Variants in ALKBH8 observed in about 807,000 individuals in gnomAD.
ALKBH8 encodes the protein tRNA (carboxymethyluridine(34)-5-O)-methyltransferase ALKBH8.
ALKBH8 carries 36 observed loss-of-function variants against 59.8 expected under a neutral mutation model. That is an observed-to-expected ratio of 0.60 (90% CI 0.46 to 0.79). The LOEUF (loss-of-function observed/expected upper bound fraction) is 0.79, where lower values mean the gene tolerates loss of function less well. Ranked by LOEUF, ALKBH8 falls within the 30% of genes least tolerant of loss-of-function variation. ALKBH8 has a pLI of 0.00. For synonymous variants in ALKBH8, 276 were observed against 273.6 expected, an observed-to-expected ratio of 1.01 and a Z score of -0.09; for missense variants, 768 against 801.0, an observed-to-expected ratio of 0.96 and a Z score of 0.50.
rs115503479 is a variant in ALKBH8 at position 107,515,307 on chromosome 11, T to C, written c.1288-4271A>G. Reference sequence around the variant, plus strand: ...GGACTTGCGTAAAGCTACATATTTCTGTGTGCTGGGTGAAGATCAATGACA... The same window carrying C: ...GGACTTGCGTAAAGCTACATATTTCCGTGTGCTGGGTGAAGATCAATGACA... On this transcript the variant is annotated intron_variant, in intron 10 of 11. Coordinates refer to ENST00000428149, the MANE Select transcript of ALKBH8 (RefSeq NM_138775.3). Among the ~76,000 whole-genome samples the C allele has an allele frequency of 1.6e-3, 243 of 152,326 alleles. 1 individual carries two copies. Among genetic ancestry groups the C allele is most frequent in the African/African-American group, 5.6e-3 (233 of 41,572 alleles).
At chr11:107,522,677 C>T in intron 9 of ALKBH8, 122 bp from the exon 10 acceptor site, 4 of 1,189,280 alleles carry the variant, frequency 3.4e-6, no homozygotes, top group Non-Finnish European at 3.4e-6. Context: ...TCTGATTTAT[C>T]CGTTAAAAGA....
At chr11:107,547,174 A>G (rs899684354) in intron 7 of ALKBH8, among the ~76,000 whole-genome samples, 5 of 152,252 alleles carry the variant, frequency 3.3e-5, no homozygotes, top group African/African-American at 9.6e-5. Flanking sequence ...TAGGCATTAC[A>G]GGAAAGTTCT....
At chr11:107,521,860 C>T (rs1863125098) in intron 10 of ALKBH8, among the ~76,000 whole-genome samples, 1 of 152,016 alleles carries the variant, frequency 6.6e-6, no homozygotes, top group South Asian at 2.1e-4. Context: ...GATATAGGTT[C>T]AAGTTCCAGT....
chr11:107,546,086 A>T (rs892830174), intron 7 of ALKBH8, among the ~76,000 whole-genome samples: 3 of 152,228 alleles, frequency 2.0e-5, no homozygotes, highest in Non-Finnish European at 4.4e-5. Context: ...ACATAGTTGT[A>T]ATATAACCTA....
chr11:107,512,309 T>C (rs199806420), intron 10 of ALKBH8, among the ~76,000 whole-genome samples: 3 of 138,776 alleles, frequency 2.2e-5, no homozygotes, highest in Non-Finnish European at 4.9e-5. Context: ...AAGGGTTTTT[T>C]TTTGTTTGTT....
At chr11:107,532,278 C>A in intron 8 of ALKBH8, 22 bp downstream of exon 8, 1 of 1,586,904 alleles carries the variant, frequency 6.3e-7, no homozygotes, top group Non-Finnish European at 8.6e-7. Context: ...GAAAAAGAAT[C>A]CTGTCATATT....
At chr11:107,534,278 C>T (rs1339532758) in intron 7 of ALKBH8, among the ~76,000 whole-genome samples, 3 of 152,068 alleles carry the variant, frequency 2.0e-5, no homozygotes, top group African/African-American at 7.2e-5. Context: ...GAATAATGAG[C>T]ATATTTATTA....
At chr11:107,505,870 G>A (rs1018973344) in intron 11 of ALKBH8, among the ~76,000 whole-genome samples, 1 of 152,184 alleles carries the variant, frequency 6.6e-6, no homozygotes, top group Admixed American at 6.5e-5. Context: ...TGAACAGATA[G>A]GGCTCAGAGT....
In ALKBH8 at chr11:107,545,583, T is replaced by C. The variant is rs376585491; in HGVS notation, c.771+4170A>G. On this transcript the variant is annotated intron_variant, in intron 7 of 11. Coordinates refer to ENST00000428149, the MANE Select transcript of ALKBH8 (RefSeq NM_138775.3). ...GGTCTTTACTACCCAACTATCCAAT[T>C]ATCCCCACCCACTGAGTTGCAAAAG... Among the ~76,000 whole-genome samples, 6 of 152,258 alleles carry C rather than the reference T, an allele frequency of 3.9e-5. No homozygotes were observed. The East Asian group carries it at 7.7e-4, about 20-fold the overall frequency.
chr11:107,553,066 T>C, intron 5 of ALKBH8, 42 bp downstream of exon 5: 1 of 1,252,610 alleles, frequency 8.0e-7, no homozygotes, highest in Non-Finnish European at 1.1e-6. Flanking sequence ...AATATATTAA[T>C]ATTTTTGAGC....
chr11:107,539,370 T>C lies in ALKBH8; in HGVS notation c.772-6964A>G, dbSNP rs113135487. On this transcript the variant is annotated intron_variant, in intron 7 of 11. Transcript: ENST00000428149. Reference sequence around the variant, plus strand: ...ATCCCAGCACTTTGGGAGGCCAAGGTGGGCAGATTACTTGAGGTCAGGAGT... The same window carrying C: ...ATCCCAGCACTTTGGGAGGCCAAGGCGGGCAGATTACTTGAGGTCAGGAGT... Among the ~76,000 whole-genome samples, 783 of 152,130 alleles carry C rather than the reference T, an allele frequency of 5.1e-3. 4 individuals carry two copies. Among genetic ancestry groups the C allele is most frequent in the African/African-American group, 0.018 (741 of 41,514 alleles).
chr11:107,551,314 T>C (rs73553687), intron 6 of ALKBH8, among the ~76,000 whole-genome samples: 2,097 of 152,322 alleles, frequency 0.014, 40 homozygotes, highest in African/African-American at 0.047. Context: ...CTCAAGGGAT[T>C]AAAGTGTAGA....
intron 3 of ALKBH8, among the ~76,000 whole-genome samples, chr11:107,555,970 A>G (rs1193462346): frequency 6.6e-6 from 1 of 152,180 alleles, no homozygotes. Flanking sequence ...GTTCTACTGG[A>G]CAGCACCACC....
chr11:107,526,044 C>A (rs12294164), intron 8 of ALKBH8, among the ~76,000 whole-genome samples: 1,585 of 152,024 alleles, frequency 0.01, 24 homozygotes, highest in African/African-American at 0.034. Context: ...GGGACTATTA[C>A]AAATAAAGCT....
intron 8 of ALKBH8, among the ~76,000 whole-genome samples, chr11:107,530,485 C>T (rs532972483): frequency 1.3e-5 from 2 of 152,116 alleles, no homozygotes; most frequent in East Asian, 1.9e-4. Context: ...TTCTGATAAA[C>T]ATCTCAATGA....
chr11:107,522,172 AT>A, intron 10 of ALKBH8, 126 bp downstream of exon 10: 1 of 1,158,528 alleles, frequency 8.6e-7, no homozygotes, highest in Non-Finnish European at 1.2e-6. Context: ...AAAATCATTA[AT>A]TTTCAATCTG....
chr11:107,518,524 T>A (rs1370364723), intron 10 of ALKBH8, among the ~76,000 whole-genome samples: 2 of 152,372 alleles, frequency 1.3e-5, no homozygotes, highest in East Asian at 3.9e-4. Flanking sequence ...GCTGGAAGGT[T>A]GTGGGTTTAC....
intron 1 of ALKBH8, chr11:107,565,269 AT>A (rs1165754740): frequency 8.9e-6 from 4 of 450,294 alleles, no homozygotes; most frequent in Non-Finnish European, 1.6e-5. Flanking sequence ...AATCAGACCG[AT>A]TGTCACCGGT....
rs1291974058 is a variant in ALKBH8 at position 107,525,591 on chromosome 11, T to A, written c.880A>T (p.Ile294Phe). ...ACAGTATCAAATTTTCTGCACGTGATTCTAAAAACAATAGTCAAAAAAATT... is the reference window on the plus strand; with the variant it reads ...ACAGTATCAAATTTTCTGCACGTGAATCTAAAAACAATAGTCAAAAAAATT... ...GESRYLWTHGITCRKFDTVQA... is the reference protein window; with the variant it reads ...GESRYLWTHGFTCRKFDTVQA... Residue 294 changes from isoleucine to phenylalanine, a missense_variant and splice_region_variant, in exon 9 of 12, where the codon ATC (isoleucine) becomes TTC (phenylalanine). Coordinates refer to ENST00000428149, the MANE Select transcript of ALKBH8 (RefSeq NM_138775.3). 1.5e-6 allele frequency: 2 copies of A among 1,377,908 alleles called. No individual in the cohort carries two copies. Among genetic ancestry groups the A allele is most frequent in the Admixed American group, 6.9e-5 (2 of 29,010 alleles). The allele number at this position is 1,377,908 out of a possible 1,614,324, so 85.4% of individuals were successfully genotyped here.
Sources: allele counts gnomAD v4.1 joint callset (sites outside exome capture counted in the v4.1 genomes callset), GRCh38; gene constraint gnomAD v4.1.1; transcripts MANE v1.5; gene names NCBI Gene and HGNC (gene_info 2026-07-23, HGNC 2026-07-21).